The following FTCDNL1 variants were observed in gnomAD, a reference collection of about 807,000 sequenced individuals.
FTCDNL1 encodes the protein formiminotransferase cyclodeaminase N-terminal like.
A neutral mutation model predicts 5.9 loss-of-function variants in FTCDNL1; 11 were observed. That is an observed-to-expected ratio of 1.87 (90% CI 1.18 to 3.10). FTCDNL1 has a LOEUF of 3.10. FTCDNL1 is among the 30% of genes most tolerant of loss of function. The probability of loss-of-function intolerance (pLI) is 0.00; values close to 1 mark genes in which losing one functional copy is unlikely to be tolerated. For synonymous variants in FTCDNL1, 58 were observed against 24.8 expected (o/e 2.34, Z -3.99); for missense variants, 115 against 65.5 (o/e 1.76, Z -2.61).
intron 3 of FTCDNL1, among the ~76,000 whole-genome samples, chr2:199,829,681 C>T (rs539115061): frequency 1.6e-4 from 24 of 152,050 alleles, no homozygotes; most frequent in Non-Finnish European, 3.5e-4. Context: ...CATTCTTTTC[C>T]CTTCTGCTTT....
At chr2:199,695,101 C>A in the FTCDNL1 span, among the ~76,000 whole-genome samples, 25 of 152,254 alleles carry the variant, frequency 1.6e-4, no homozygotes, top group African/African-American at 5.3e-4. Context: ...CACCCATATT[C>A]CATTGGCCAA....
At chr2:199,715,608 C>G in the FTCDNL1 span, among the ~76,000 whole-genome samples, 8 of 152,092 alleles carry the variant, frequency 5.3e-5, no homozygotes, top group African/African-American at 1.9e-4. Context: ...TTCTTTACAG[C>G]AGTATGAAAA....
chr2:199,684,485 A>G, the FTCDNL1 span, among the ~76,000 whole-genome samples: 9 of 152,192 alleles, frequency 5.9e-5, no homozygotes, highest in African/African-American at 2.2e-4. Context: ...TATTACATCA[A>G]TAACATTTTG....
chr2:199,850,537 T>C (rs898456670), intron 1 of FTCDNL1, among the ~76,000 whole-genome samples: 6 of 152,192 alleles, frequency 3.9e-5, no homozygotes, highest in African/African-American at 1.2e-4. Context: ...TGAGCGGCAG[T>C]ACCAGGCTCA....
rs976286051 is a variant in FTCDNL1 at position 199,815,818 on chromosome 2, G to A, written c.398-3094C>T. Reference sequence around the variant, plus strand: ...AGTTCGAGACCATCCTGGCCAACATGGTGAAACCCCGTCTCTACTAAAATA... The same window carrying A: ...AGTTCGAGACCATCCTGGCCAACATAGTGAAACCCCGTCTCTACTAAAATA... On this transcript the variant is annotated intron_variant, in intron 4 of 4. Transcript: ENST00000420128. 2.0e-5 allele frequency among the ~76,000 whole-genome samples: 3 copies of A among 152,082 alleles called. No homozygotes were observed. The South Asian group carries it at 6.2e-4, about 32-fold the overall frequency.
chr2:199,836,185 G>A (rs575789729), intron 3 of FTCDNL1, among the ~76,000 whole-genome samples: 11 of 152,218 alleles, frequency 7.2e-5, no homozygotes, highest in Non-Finnish European at 1.2e-4. Flanking sequence ...TTGTGTTTGA[G>A]ATAGGGTCTC....
chr2:199,787,935 G>T (rs1056160400), intron 3 of FTCDNL1, among the ~76,000 whole-genome samples: 1 of 152,144 alleles, frequency 6.6e-6, no homozygotes, highest in African/African-American at 2.4e-5. Context: ...TGGTGATGGT[G>T]TCATTAGCAC....
chr2:199,728,831 C>T, the FTCDNL1 span, among the ~76,000 whole-genome samples: 3,565 of 152,248 alleles, frequency 0.023, 144 homozygotes, highest in African/African-American at 0.08. Flanking sequence ...GAGCTGCAAA[C>T]ACAGAATGAC....
chr2:199,713,863 T>C, the FTCDNL1 span, among the ~76,000 whole-genome samples: 1 of 152,204 alleles, frequency 6.6e-6, no homozygotes, highest in Non-Finnish European at 1.5e-5. Context: ...TAATTGATCA[T>C]GCACAAGTTC....
At chr2:199,792,119 G>A (rs1326874379) in intron 3 of FTCDNL1, among the ~76,000 whole-genome samples, 1 of 150,274 alleles carries the variant, frequency 6.7e-6, no homozygotes, top group Non-Finnish European at 1.5e-5. Context: ...TTGTTGAAAA[G>A]AAAAAGCAAA....
the FTCDNL1 span, among the ~76,000 whole-genome samples, chr2:199,717,509 A>ATTTTTTTTTTTTTTTTTTTTTTTTTT: frequency 3.5e-5 from 2 of 57,688 alleles, 1 homozygote; most frequent in African/African-American, 1.4e-4. Context: ...CAAGGCAGAG[A>ATTTTTTTTTTTTTTTTTTTTTTTTTT]TTTTTTTTTT....
At chr2:199,834,054 A>C (rs1224081319) in intron 3 of FTCDNL1, among the ~76,000 whole-genome samples, 1 of 152,156 alleles carries the variant, frequency 6.6e-6, no homozygotes, top group Non-Finnish European at 1.5e-5. Flanking sequence ...ATATGACCTT[A>C]TTCTGGAATA....
intron 3 of FTCDNL1, among the ~76,000 whole-genome samples, chr2:199,837,638 T>C (rs908402643): frequency 6.6e-6 from 1 of 152,188 alleles, no homozygotes; most frequent in South Asian, 2.1e-4. Context: ...GAATGTGTCA[T>C]GGCACACATC....
At position 199,780,811 on chromosome 2, in the gene FTCDNL1, A is replaced by T. The variant is rs115044504; in HGVS notation, c.212-19976T>A. On this transcript the variant is annotated intron_variant, in intron 3 of 3. Coordinates refer to the FTCDNL1 transcript ENST00000416668. The stretch of plus-strand genomic sequence containing the variant: ...AATACATTCTCCACTGTCACCATTA[A>T]GTACCAGCTCCTCTGCCCTTTCCTG... Among the ~76,000 whole-genome samples the T allele has an allele frequency of 5.3e-3, 803 of 152,332 alleles. 9 individuals carry two copies. The highest frequency in any genetic ancestry group is 0.017 in the Middle Eastern group (5 of 294).
At chr2:199,797,894 C>T (rs1015748234) in intron 3 of FTCDNL1, among the ~76,000 whole-genome samples, 4 of 152,142 alleles carry the variant, frequency 2.6e-5, no homozygotes, top group African/African-American at 9.7e-5. Context: ...GATCATGGGG[C>T]ATTTAAAAGA....
chr2:199,755,830 T>C (rs545427916), downstream of FTCDNL1, among the ~76,000 whole-genome samples: 5 of 152,332 alleles, frequency 3.3e-5, no homozygotes, highest in South Asian at 1.0e-3. Context: ...ATTAAGCATT[T>C]AAAGAGATGT....
chr2:199,776,190 T>G (rs1487482472), intron 3 of FTCDNL1, among the ~76,000 whole-genome samples: 1 of 152,152 alleles, frequency 6.6e-6, no homozygotes, highest in South Asian at 2.1e-4. Context: ...TAAGTGGCCA[T>G]GGCCTCTTGG....
At chr2:199,799,127 C>T (rs1700316450) in intron 3 of FTCDNL1, among the ~76,000 whole-genome samples, 1 of 152,162 alleles carries the variant, frequency 6.6e-6, no homozygotes, top group South Asian at 2.1e-4. Flanking sequence ...ATGGCAGTGC[C>T]CTCATGTGCT....
chr2:199,665,392 C>A, the FTCDNL1 span, among the ~76,000 whole-genome samples: 1 of 152,074 alleles, frequency 6.6e-6, no homozygotes, highest in Admixed American at 6.6e-5. Flanking sequence ...AGCATTTTGA[C>A]AGGCCGAGGC....
Sources: allele counts gnomAD v4.1 joint callset (sites outside exome capture counted in the v4.1 genomes callset), GRCh38; gene constraint gnomAD v4.1.1; transcripts MANE v1.5; gene names NCBI Gene and HGNC (gene_info 2026-07-23, HGNC 2026-07-21).